HEMK2: variants seen among roughly 807,000 people sequenced by gnomAD.
HEMK2 encodes methyltransferase HEMK2.
the HEMK2 span, among the ~76,000 whole-genome samples, chr21:28,627,739 T>C: frequency 6.6e-6 from 1 of 152,158 alleles, no homozygotes; most frequent in Admixed American, 6.5e-5. Context: ...AAACCCCAAG[T>C]TACCACACCT....
the HEMK2 span, among the ~76,000 whole-genome samples, chr21:28,580,914 A>G: frequency 6.6e-6 from 1 of 152,184 alleles, no homozygotes; most frequent in East Asian, 1.9e-4. Context: ...CCCAGTTCCT[A>G]GTATGGCCTT....
the HEMK2 span, among the ~76,000 whole-genome samples, chr21:28,749,166 G>C: frequency 2.0e-5 from 3 of 152,114 alleles, no homozygotes; most frequent in African/African-American, 7.2e-5. Flanking sequence ...CTCCCTTTAT[G>C]ATTTCTTGGA....
the HEMK2 span, among the ~76,000 whole-genome samples, chr21:28,617,719 A>C: frequency 6.6e-6 from 1 of 152,102 alleles, no homozygotes; most frequent in African/African-American, 2.4e-5. Context: ...ATTGTAAGCT[A>C]TTCCTGGAAA....
chr21:28,750,886 C>A, the HEMK2 span, among the ~76,000 whole-genome samples: 1 of 152,054 alleles, frequency 6.6e-6, no homozygotes, highest in East Asian at 1.9e-4. Context: ...CAGAACCTTT[C>A]AGCCATCTCT....
chr21:28,728,743 T>C, the HEMK2 span, among the ~76,000 whole-genome samples: 1 of 152,250 alleles, frequency 6.6e-6, no homozygotes, highest in Non-Finnish European at 1.5e-5. Context: ...TGATCTGTTG[T>C]ATTTTATAAA....
the HEMK2 span, among the ~76,000 whole-genome samples, chr21:28,630,613 G>A: frequency 6.6e-5 from 10 of 151,726 alleles, no homozygotes; most frequent in African/African-American, 2.4e-4. Flanking sequence ...AAAATGATGA[G>A]TTCATGTCCT....
At chr21:28,657,050 C>A in the HEMK2 span, among the ~76,000 whole-genome samples, 4 of 152,026 alleles carry the variant, frequency 2.6e-5, no homozygotes, top group African/African-American at 9.7e-5. Flanking sequence ...ACATTTCTTG[C>A]TGATCATTTT....
the HEMK2 span, among the ~76,000 whole-genome samples, chr21:28,811,116 T>C: frequency 6.6e-6 from 1 of 152,030 alleles, no homozygotes; most frequent in South Asian, 2.1e-4. Flanking sequence ...GCACAATGGC[T>C]CATGCCTGTA....
the HEMK2 span, among the ~76,000 whole-genome samples, chr21:28,723,559 G>A: frequency 6.6e-6 from 1 of 152,156 alleles, no homozygotes; most frequent in Non-Finnish European, 1.5e-5. Context: ...GGAACAAAAG[G>A]AAGAAGTTTA....
At chr21:28,650,738 G>A in the HEMK2 span, among the ~76,000 whole-genome samples, 1 of 152,146 alleles carries the variant, frequency 6.6e-6, no homozygotes, top group Non-Finnish European at 1.5e-5. Context: ...TGAGAAGGAA[G>A]AGGTAAAGAT....
chr21:28,577,406 A>G, the HEMK2 span: 1 of 152,172 alleles, frequency 6.6e-6, no homozygotes, highest in Non-Finnish European at 1.5e-5. Context: ...TTCAAAATAT[A>G]CCATGTTTCA....
chr21:28,729,698 G>C, the HEMK2 span, among the ~76,000 whole-genome samples: 1 of 150,908 alleles, frequency 6.6e-6, no homozygotes, highest in Non-Finnish European at 1.5e-5. Context: ...AATTTGTTTT[G>C]TGTTGCATTA....
chr21:28,719,362 G>A, the HEMK2 span, among the ~76,000 whole-genome samples: 1 of 152,106 alleles, frequency 6.6e-6, no homozygotes, highest in Admixed American at 6.5e-5. Context: ...CTGAATCATG[G>A]GGGTGGTTTC....
chr21:28,884,241 G>C, the HEMK2 span, among the ~76,000 whole-genome samples: 1 of 152,174 alleles, frequency 6.6e-6, no homozygotes, highest in Admixed American at 6.5e-5. Context: ...GCTATCTTGA[G>C]AAGAAAAGAC....
chr21:28,754,374 T>C, the HEMK2 span, among the ~76,000 whole-genome samples: 1 of 152,236 alleles, frequency 6.6e-6, no homozygotes, highest in Non-Finnish European at 1.5e-5. Flanking sequence ...GCCTTGTAAA[T>C]GTCAGTGTGT....
chr21:28,851,026 A>G, the HEMK2 span, among the ~76,000 whole-genome samples: 1 of 152,070 alleles, frequency 6.6e-6, no homozygotes, highest in Admixed American at 6.6e-5. Context: ...TGCACACCCC[A>G]CCTATGGCTA....
chr21:28,682,437 C>T, the HEMK2 span, among the ~76,000 whole-genome samples: 1 of 149,836 alleles, frequency 6.7e-6, no homozygotes, highest in East Asian at 2.0e-4. Flanking sequence ...AATAGGAACA[C>T]TTTTACACTG....
chr21:28,661,047 T>C, the HEMK2 span, among the ~76,000 whole-genome samples: 2 of 152,122 alleles, frequency 1.3e-5, no homozygotes, highest in African/African-American at 4.8e-5. Flanking sequence ...CTTACCTTTC[T>C]CATCTCTATC....
the HEMK2 span, among the ~76,000 whole-genome samples, chr21:28,729,978 G>A: frequency 6.6e-6 from 1 of 152,090 alleles, no homozygotes; most frequent in Admixed American, 6.5e-5. Flanking sequence ...TTACATCTGA[G>A]GGGCAAAGGG....
Sources: allele counts gnomAD v4.1 joint callset (sites outside exome capture counted in the v4.1 genomes callset), GRCh38; gene constraint gnomAD v4.1.1; transcripts MANE v1.5; gene names NCBI Gene and HGNC (gene_info 2026-07-23, HGNC 2026-07-21).